Variants in HHIP observed in about 807,000 individuals in gnomAD.
HHIP encodes hedgehog-interacting protein.
A neutral mutation model predicts 74.0 loss-of-function variants in HHIP; 12 were observed. The observed-to-expected ratio is 0.16, with a 90% CI of 0.10 to 0.26. HHIP has a LOEUF of 0.26. HHIP is among the 10% of genes least tolerant of loss of function. HHIP has a pLI of 1.00. For missense variants in HHIP, 788 were observed against 845.0 expected (o/e 0.93, Z 0.84); for synonymous variants, 309 against 311.6 (o/e 0.99, Z 0.09).
At chr4:144,737,666 G>A in intron 12 of HHIP, 98 bp from the exon 13 acceptor site, 5 of 1,037,914 alleles carry the variant, frequency 4.8e-6, no homozygotes, top group Admixed American at 3.1e-5. Flanking sequence ...TTTTTCCCTC[G>A]CTTCCCTTAT....
intron 10 of HHIP, among the ~76,000 whole-genome samples, chr4:144,717,002 C>T (rs891573938): frequency 1.1e-4 from 17 of 151,146 alleles, no homozygotes; most frequent in Admixed American, 4.6e-4. Flanking sequence ...ATTATGTTAA[C>T]GTCACCACCA....
chr4:144,719,506 T>G (rs930802991), intron 11 of HHIP, among the ~76,000 whole-genome samples: 1 of 152,168 alleles, frequency 6.6e-6, no homozygotes, highest in Non-Finnish European at 1.5e-5. Flanking sequence ...AAAAGAAAGA[T>G]TTGAATGTTT....
rs1731100352 is a variant in HHIP, at chr4:144,735,797, C to T, written c.1909+908C>T. Among the ~76,000 whole-genome samples the T allele has an allele frequency of 2.6e-5, 4 of 152,080 alleles. No homozygotes were observed. The South Asian group carries it at 8.3e-4, about 31-fold the overall frequency. On this transcript the variant is annotated intron_variant, in intron 12 of 12. Transcript: ENST00000296575. ...TCAAAAAATTATAACTATAACTTGTCTATTTTTATATTGCCTAACAAAAAA... is the reference window on the plus strand; with the variant it reads ...TCAAAAAATTATAACTATAACTTGTTTATTTTTATATTGCCTAACAAAAAA...
chr4:144,701,058 T>C (rs1729967818), intron 4 of HHIP, among the ~76,000 whole-genome samples: 2 of 152,144 alleles, frequency 1.3e-5, no homozygotes, highest in African/African-American at 4.8e-5. Flanking sequence ...GGCAAGAAAA[T>C]GACAGTTAAT....
intron 11 of HHIP, among the ~76,000 whole-genome samples, chr4:144,731,004 G>C (rs1487520321): frequency 1.3e-5 from 2 of 152,156 alleles, no homozygotes; most frequent in Middle Eastern, 3.4e-3. Flanking sequence ...TATTTACTAT[G>C]ATTATAATTA....
At chr4:144,728,356 A>G (rs1429743345) in intron 11 of HHIP, among the ~76,000 whole-genome samples, 1 of 152,206 alleles carries the variant, frequency 6.6e-6, no homozygotes, top group East Asian at 1.9e-4. Flanking sequence ...AAGACAGCCA[A>G]TGCTGAGCCC....
chr4:144,659,699 G>C lies in HHIP; in HGVS notation c.692G>C (p.Gly231Ala). The C allele has an allele frequency of 6.3e-7, 1 of 1,587,200 alleles. No homozygotes were observed. Among genetic ancestry groups the C allele is most frequent in the Non-Finnish European group, 8.6e-7 (1 of 1,169,232 alleles). ...GTGAGTGGGCTGCGGCAGCCCGTTG[G>C]TGCCCTGCATAGTGGGGATGGCTCG... ...EVVSGLRQPV[G>A]ALHSGDGSQR... Residue 231 changes from glycine to alanine, a missense_variant, in exon 4 of 13, where the codon GGT becomes GCT. Physicochemically the swap from Gly to Ala is moderately conservative, Grantham distance 60. Transcript: ENST00000296575.
At chr4:144,667,989 T>C (rs1031005538) in intron 4 of HHIP, among the ~76,000 whole-genome samples, 61 of 152,160 alleles carry the variant, frequency 4.0e-4, no homozygotes, top group African/African-American at 1.3e-3. Flanking sequence ...AGAGAGTATA[T>C]TTCTCAAGAA....
intron 4 of HHIP, among the ~76,000 whole-genome samples, chr4:144,669,294 C>A (rs999461681): frequency 6.6e-6 from 1 of 152,076 alleles, no homozygotes; most frequent in Non-Finnish European, 1.5e-5. Context: ...CATTTTATAA[C>A]GTGTTATCAT....
chr4:144,654,681 C>T (rs964287460), intron 2 of HHIP, among the ~76,000 whole-genome samples: 5 of 152,148 alleles, frequency 3.3e-5, no homozygotes, highest in African/African-American at 1.2e-4. Flanking sequence ...CCTGCCCCTG[C>T]CCCCAGCACA....
chr4:144,682,240 ACTT>A (rs139824513), intron 4 of HHIP, among the ~76,000 whole-genome samples: 31 of 152,326 alleles, frequency 2.0e-4, no homozygotes, highest in African/African-American at 6.7e-4. Flanking sequence ...GACAGCGAAA[ACTT>A]CTCAACATAC....
chr4:144,675,276 A>G (rs1183409900), intron 4 of HHIP, among the ~76,000 whole-genome samples: 1 of 152,196 alleles, frequency 6.6e-6, no homozygotes, highest in South Asian at 2.1e-4. Context: ...TTGAAAATGC[A>G]TAAGAACAAT....
Position 144,708,190 on chromosome 4 carries a change from C to T in HHIP, c.1180C>T (p.Arg394Trp), listed in dbSNP as rs760742577. The change falls in exon 7 of 13, where the codon CGG becomes TGG. Residue 394 changes from arginine to tryptophan, a missense_variant. Coordinates refer to ENST00000296575, the MANE Select transcript of HHIP (RefSeq NM_022475.3). ...CAGTGATTTCACAGGCTCAGTGCTA[C>T]GGCTGGATGTGGACACAGACATGTG... ...GLSDFTGSVL[R>W]LDVDTDMCNV... The T allele has an allele frequency of 8.7e-6, 14 of 1,614,044 alleles. No individual in the cohort carries two copies. Among genetic ancestry groups the T allele is most frequent in the South Asian group, 1.1e-5 (1 of 91,076 alleles).
chr4:144,731,977 C>T (rs1204145062), intron 11 of HHIP, among the ~76,000 whole-genome samples: 1 of 152,054 alleles, frequency 6.6e-6, no homozygotes, highest in East Asian at 1.9e-4. Context: ...GGCTCAGGAC[C>T]CTGTACTATT....
intron 4 of HHIP, among the ~76,000 whole-genome samples, chr4:144,663,229 G>C (rs1728761416): frequency 6.6e-6 from 1 of 152,126 alleles, no homozygotes; most frequent in Non-Finnish European, 1.5e-5. Context: ...GGGAGGCGGA[G>C]GTTGCAGTGA....
At chr4:144,729,767 A>G (rs1195739485) in intron 11 of HHIP, among the ~76,000 whole-genome samples, 1 of 152,134 alleles carries the variant, frequency 6.6e-6, no homozygotes, top group African/African-American at 2.4e-5. Flanking sequence ...AAGCTGTCTA[A>G]GACAGGCTAC....
chr4:144,707,645 G>GGAAAAAAAAAAAAA (rs1469019633), intron 6 of HHIP, among the ~76,000 whole-genome samples: 1 of 464 alleles, frequency 2.2e-3, no homozygotes, highest in Non-Finnish European at 4.8e-3. Flanking sequence ...GAGAACAGAG[G>GGAAAAAAAAAAAAA]CAAAAAAAAA....
At chr4:144,716,916 G>A (rs1198459982) in intron 10 of HHIP, among the ~76,000 whole-genome samples, 1 of 130,406 alleles carries the variant, frequency 7.7e-6, no homozygotes, top group Non-Finnish European at 1.6e-5. Flanking sequence ...GTCTGAGTTA[G>A]AGATGAATGT....
rs1730158963 is a variant in HHIP, at chr4:144,706,666, G to A, written c.967G>A (p.Glu323Lys). Reference sequence around the variant, plus strand: ...TCATGACCACATTCTTAGGGTTGTGGAATACACAGTATCCAGGTATCACTA... The same window carrying A: ...TCATGACCACATTCTTAGGGTTGTGAAATACACAGTATCCAGGTATCACTA... ...GPHDHILRVV[E>K]YTVSRKNPHQ... Residue 323 changes from glutamate to lysine, a missense_variant, in exon 5 of 13, where the codon GAA becomes AAA. Coordinates refer to ENST00000296575, the MANE Select transcript of HHIP (RefSeq NM_022475.3). 2 of 1,612,472 alleles carry A rather than the reference G, an allele frequency of 1.2e-6. No homozygotes were observed. Among genetic ancestry groups the A allele is most frequent in the Non-Finnish European group, 1.7e-6 (2 of 1,179,562 alleles).
Sources: gnomAD v4.1 joint callset for allele counts (sites outside exome capture counted in the v4.1 genomes callset) on GRCh38, gnomAD v4.1.1 for gene constraint, MANE v1.5 for transcripts, NCBI Gene and HGNC (gene_info 2026-07-23, HGNC 2026-07-21) for gene names.